Variants in CHSY3 observed in about 807,000 individuals in gnomAD.
The protein encoded by CHSY3 is N-acetylgalactosaminyl-proteoglycan 3-beta-glucuronosyltransferase 3.
Under a neutral mutation model 67.2 loss-of-function variants are expected in CHSY3, and 35 were observed. The observed-to-expected ratio is 0.52, with a 90% CI of 0.40 to 0.69. The LOEUF (loss-of-function observed/expected upper bound fraction) is 0.69. CHSY3 is among the 30% of genes least tolerant of loss of function. The probability of loss-of-function intolerance (pLI) is 0.00; values close to 1 mark genes in which losing one functional copy is unlikely to be tolerated. For missense variants in CHSY3, 1,069 were observed against 1,138.5 expected, an observed-to-expected ratio of 0.94 and a Z score of 0.88; for synonymous variants, 474 against 434.7, an observed-to-expected ratio of 1.09 and a Z score of -1.12.
At chr5:129,963,775 G>T (rs1188292132) in intron 2 of CHSY3, among the ~76,000 whole-genome samples, 1 of 151,744 alleles carries the variant, frequency 6.6e-6, no homozygotes, top group Non-Finnish European at 1.5e-5. Flanking sequence ...GGCTAATCTT[G>T]GGTCCTATAT....
intron 2 of CHSY3, among the ~76,000 whole-genome samples, chr5:130,113,500 G>C (rs1767662716): frequency 6.6e-6 from 1 of 152,142 alleles, no homozygotes; most frequent in Non-Finnish European, 1.5e-5. Flanking sequence ...TTGTGTTTGT[G>C]TTATAGACGG....
chr5:130,119,880 A>G (rs1767949443), intron 2 of CHSY3, among the ~76,000 whole-genome samples: 1 of 152,198 alleles, frequency 6.6e-6, no homozygotes, highest in Non-Finnish European at 1.5e-5. Flanking sequence ...TTTTATACCC[A>G]TGAAAAAATA....
chr5:129,908,561 C>T (rs896408064), intron 2 of CHSY3, among the ~76,000 whole-genome samples: 2 of 151,998 alleles, frequency 1.3e-5, no homozygotes, highest in African/African-American at 4.8e-5. Flanking sequence ...ATTAGCATGC[C>T]CCTTAACTTT....
intron 2 of CHSY3, among the ~76,000 whole-genome samples, chr5:130,097,542 T>C (rs532205007): frequency 4.3e-4 from 65 of 152,356 alleles, no homozygotes; most frequent in African/African-American, 1.6e-3. Flanking sequence ...TGCCTATCTT[T>C]TGAGCTTCCC....
intron 2 of CHSY3, among the ~76,000 whole-genome samples, chr5:130,084,945 T>C (rs1425298159): frequency 6.6e-6 from 1 of 152,000 alleles, no homozygotes. Flanking sequence ...AGATTGTAAA[T>C]GTTTCTTATC....
chr5:129,905,397 G>T lies in CHSY3; in HGVS notation c.568G>T (p.Ala190Ser). 1.2e-6 allele frequency: 2 copies of T among 1,605,630 alleles called. No individual in the cohort carries two copies. ...AQKYLGSRAL[A>S]AQRTWARFIP... Reference sequence around the variant, plus strand: ...GAAGTACCTGGGCAGCCGCGCGCTGGCCGCGCAGCGGACCTGGGCGCGTTT... The same window carrying T: ...GAAGTACCTGGGCAGCCGCGCGCTGTCCGCGCAGCGGACCTGGGCGCGTTT... The change falls in exon 1 of 3, where the codon GCC becomes TCC. Residue 190 changes from alanine (A) to serine (S), a missense_variant. By Grantham distance (99) the Ala-to-Ser change is moderately conservative. Around this residue, in one of 5 missense-constraint regions of CHSY3, gnomAD observed 216 missense variants for 311.5 expected, o/e 0.69. Transcript: ENST00000305031.
At chr5:130,166,017 G>A (rs1769736721) in intron 2 of CHSY3, among the ~76,000 whole-genome samples, 1 of 152,082 alleles carries the variant, frequency 6.6e-6, no homozygotes, top group Non-Finnish European at 1.5e-5. Flanking sequence ...AGTATTAGGA[G>A]CAATAGTAGT....
At chr5:130,034,072 G>C (rs1251393585) in intron 2 of CHSY3, among the ~76,000 whole-genome samples, 1 of 152,200 alleles carries the variant, frequency 6.6e-6, no homozygotes, top group Admixed American at 6.5e-5. Flanking sequence ...TATTGCTTAA[G>C]TTTTTTACAC....
At chr5:130,100,048 T>A (rs1420456762) in intron 2 of CHSY3, among the ~76,000 whole-genome samples, 2 of 152,154 alleles carry the variant, frequency 1.3e-5, no homozygotes, top group Non-Finnish European at 2.9e-5. Flanking sequence ...AGATACTGTA[T>A]TTTGGAAAGC....
chr5:130,153,939 A>G (rs1769300610), intron 2 of CHSY3, among the ~76,000 whole-genome samples: 1 of 148,526 alleles, frequency 6.7e-6, no homozygotes. Context: ...TTTGTTTGAG[A>G]CAGAGTCTCA....
intron 2 of CHSY3, among the ~76,000 whole-genome samples, chr5:130,110,394 CATA>C (rs1580741911): frequency 1.3e-5 from 2 of 152,054 alleles, no homozygotes; most frequent in Admixed American, 1.3e-4. Context: ...CTGTCATGTT[CATA>C]ATAACACACA....
At chr5:129,926,305 T>A (rs1761107427) in intron 2 of CHSY3, among the ~76,000 whole-genome samples, 2 of 152,060 alleles carry the variant, frequency 1.3e-5, no homozygotes, top group African/African-American at 4.8e-5. Flanking sequence ...AATCATTTAA[T>A]AAAGTTTCCA....
chr5:129,945,926 G>C (rs867306528), intron 2 of CHSY3, among the ~76,000 whole-genome samples: 1 of 151,926 alleles, frequency 6.6e-6, no homozygotes, highest in Non-Finnish European at 1.5e-5. Context: ...CTGTAGATGT[G>C]AGCTCTGACT....
intron 2 of CHSY3, among the ~76,000 whole-genome samples, chr5:130,158,655 TG>T (rs1229510992): frequency 1.3e-5 from 2 of 152,170 alleles, no homozygotes; most frequent in South Asian, 2.1e-4. Flanking sequence ...ATTTTCTAAG[TG>T]GTGACCTTTT....
chr5:129,998,882 C>T (rs1006679606), intron 2 of CHSY3, among the ~76,000 whole-genome samples: 2 of 151,866 alleles, frequency 1.3e-5, no homozygotes, highest in African/African-American at 4.8e-5. Context: ...TTTCTTTTAA[C>T]TTTACCATGT....
intron 2 of CHSY3, among the ~76,000 whole-genome samples, chr5:130,118,487 A>G (rs1009537828): frequency 6.0e-5 from 9 of 149,136 alleles, no homozygotes; most frequent in Admixed American, 5.3e-4. Context: ...TATAATGTAT[A>G]TATGTGTGTG....
chr5:130,157,243 T>C (rs1769397756), intron 2 of CHSY3, among the ~76,000 whole-genome samples: 1 of 152,354 alleles, frequency 6.6e-6, no homozygotes, highest in African/African-American at 2.4e-5. Flanking sequence ...TACTGTATTT[T>C]TAAAAGGCCA....
intron 2 of CHSY3, among the ~76,000 whole-genome samples, chr5:129,990,377 A>AGTGAGTGT (rs1554075037): frequency 3.4e-5 from 5 of 147,476 alleles, no homozygotes; most frequent in Non-Finnish European, 7.5e-5. Flanking sequence ...TGAGTGAGTG[A>AGTGAGTGT]GTGTGTGTGT....
chr5:130,018,273 A>G (rs1426155612), intron 2 of CHSY3, among the ~76,000 whole-genome samples: 1 of 152,158 alleles, frequency 6.6e-6, no homozygotes, highest in Admixed American at 6.5e-5. Context: ...TTCTTTCACT[A>G]TCTTAGTGAA....
Sources: allele counts gnomAD v4.1 joint callset (sites outside exome capture counted in the v4.1 genomes callset), GRCh38; gene constraint gnomAD v4.1.1; regional missense constraint gnomAD v4.1.1; transcripts MANE v1.5; gene names NCBI Gene and HGNC (gene_info 2026-07-23, HGNC 2026-07-21).